Variants in RALGPS2 observed in about 807,000 individuals in gnomAD.
The protein encoded by RALGPS2 is ras-specific guanine nucleotide-releasing factor RalGPS2.
RALGPS2 carries 43 observed loss-of-function variants against 86.8 expected under a neutral mutation model. The observed-to-expected ratio is 0.50, with a 90% CI of 0.39 to 0.64. The LOEUF is 0.64. Ranked by LOEUF, RALGPS2 falls within the 30% of genes least tolerant of loss-of-function variation. The pLI is 0.00. For missense variants in RALGPS2, 536 were observed against 694.6 expected, an observed-to-expected ratio of 0.77 and a Z score of 2.57; for synonymous variants, 243 against 231.3, an observed-to-expected ratio of 1.05 and a Z score of -0.46.
intron 8 of RALGPS2, among the ~76,000 whole-genome samples, chr1:178,873,801 A>G (rs1658876106): frequency 6.6e-6 from 1 of 152,242 alleles, no homozygotes; most frequent in African/African-American, 2.4e-5. Flanking sequence ...CAAGTCTTAG[A>G]AACAAAATAG....
intron 1 of RALGPS2, among the ~76,000 whole-genome samples, chr1:178,774,325 C>T (rs557552294): frequency 6.6e-6 from 1 of 151,888 alleles, no homozygotes; most frequent in African/African-American, 2.4e-5. Flanking sequence ...TTATAGTTTA[C>T]AAATATTTTA....
At chr1:178,894,055 A>C in intron 16 of RALGPS2, 31 bp downstream of exon 16, 1 of 1,305,464 alleles carries the variant, frequency 7.7e-7, no homozygotes, top group Non-Finnish European at 1.1e-6. Flanking sequence ...ATTTTAATAC[A>C]CCTCTAAAAA....
intron 8 of RALGPS2, chr1:178,853,551 A>G (rs1427355239): frequency 7.1e-7 from 1 of 1,411,802 alleles, no homozygotes; most frequent in East Asian, 2.6e-5. Flanking sequence ...TATTGCAAGA[A>G]TGGATTTGTT....
At chr1:178,871,267 G>A (rs1330676713) in intron 8 of RALGPS2, among the ~76,000 whole-genome samples, 1 of 152,076 alleles carries the variant, frequency 6.6e-6, no homozygotes, top group African/African-American at 2.4e-5. Flanking sequence ...CAGGTTGAAG[G>A]AAGGGCACCA....
intron 8 of RALGPS2, among the ~76,000 whole-genome samples, chr1:178,874,808 G>A (rs150021981): frequency 4.7e-4 from 72 of 152,120 alleles, no homozygotes; most frequent in African/African-American, 1.7e-3. Context: ...TTTTCTTAGG[G>A]CAGGAGTCTC....
chr1:178,801,286 C>T (rs1377693393), intron 4 of RALGPS2, among the ~76,000 whole-genome samples: 3 of 151,928 alleles, frequency 2.0e-5, no homozygotes, highest in African/African-American at 7.3e-5. Context: ...TTAAGGTAGC[C>T]AATAGCTATA....
At chr1:178,752,690 G>A (rs912985259) in intron 1 of RALGPS2, among the ~76,000 whole-genome samples, 2 of 152,120 alleles carry the variant, frequency 1.3e-5, no homozygotes, top group African/African-American at 4.8e-5. Flanking sequence ...AATCATTAAA[G>A]GTCTGAAGGA....
intron 17 of RALGPS2, among the ~76,000 whole-genome samples, chr1:178,900,630 G>A (rs1660132519): frequency 6.6e-6 from 1 of 151,938 alleles, no homozygotes; most frequent in Non-Finnish European, 1.5e-5. Context: ...CAGAAATCTG[G>A]AAATACCCAA....
At chr1:178,795,781 T>G (rs1224125901) in intron 4 of RALGPS2, among the ~76,000 whole-genome samples, 1 of 152,196 alleles carries the variant, frequency 6.6e-6, no homozygotes, top group African/African-American at 2.4e-5. Flanking sequence ...AGAAAAAGCT[T>G]CTCTGTGCAA....
chr1:178,883,937 C>T (rs1211000348), intron 11 of RALGPS2, among the ~76,000 whole-genome samples: 1 of 151,706 alleles, frequency 6.6e-6, no homozygotes, highest in Non-Finnish European at 1.5e-5. Flanking sequence ...TGCAATGAGC[C>T]GAGATCGTGC....
intron 8 of RALGPS2, among the ~76,000 whole-genome samples, chr1:178,840,177 C>T (rs1488357669): frequency 1.3e-5 from 2 of 152,204 alleles, no homozygotes; most frequent in Admixed American, 6.5e-5. Flanking sequence ...GAACTCTCCA[C>T]CCCAAATCAA....
intron 5 of RALGPS2, among the ~76,000 whole-genome samples, chr1:178,809,491 A>G (rs1654879983): frequency 1.3e-5 from 2 of 151,956 alleles, no homozygotes; most frequent in African/African-American, 4.8e-5. Context: ...TCTCTAGAGG[A>G]AATCCTTTAT....
At chr1:178,787,478 G>A (rs554741926) in intron 4 of RALGPS2, among the ~76,000 whole-genome samples, 73 of 152,086 alleles carry the variant, frequency 4.8e-4, no homozygotes, top group African/African-American at 1.7e-3. Context: ...TTTTTTCTCC[G>A]CTAAGCCTTC....
chr1:178,896,487 C>CT (rs1438350972), intron 16 of RALGPS2, among the ~76,000 whole-genome samples: 1 of 140,436 alleles, frequency 7.1e-6, no homozygotes, highest in African/African-American at 2.7e-5. Context: ...TTTTATTATA[C>CT]TTTAAGTTTT....
At chr1:178,826,861 C>G (rs988010044) in intron 7 of RALGPS2, among the ~76,000 whole-genome samples, 1 of 151,998 alleles carries the variant, frequency 6.6e-6, no homozygotes, top group Non-Finnish European at 1.5e-5. Context: ...GACCTATATG[C>G]AGAAAGTTAT....
At chr1:178,745,822 C>CTTTTTTTTTTT (rs34277622) in intron 1 of RALGPS2, among the ~76,000 whole-genome samples, 4 of 86,112 alleles carry the variant, frequency 4.6e-5, no homozygotes, top group African/African-American at 8.1e-5. Context: ...TTCAATTCTT[C>CTTTTTTTTTTT]TTTTTTTTTT....
At chr1:178,763,280 T>C (rs572900171) in intron 1 of RALGPS2, among the ~76,000 whole-genome samples, 5 of 152,346 alleles carry the variant, frequency 3.3e-5, no homozygotes, top group African/African-American at 9.6e-5. Context: ...GGTAATGTGG[T>C]GCTTCCTGCT....
At chr1:178,863,788 A>G (rs947660746) in intron 8 of RALGPS2, among the ~76,000 whole-genome samples, 3 of 152,216 alleles carry the variant, frequency 2.0e-5, no homozygotes, top group African/African-American at 7.2e-5. Flanking sequence ...TAGGAAGTGA[A>G]GGAAGAATAT....
chr1:178,786,023 A>G (rs1429097974), intron 4 of RALGPS2, among the ~76,000 whole-genome samples: 2 of 152,148 alleles, frequency 1.3e-5, no homozygotes, highest in Non-Finnish European at 2.9e-5. Context: ...AAATGTTACT[A>G]AGAAAATCAT....
Sources: allele counts gnomAD v4.1 joint callset (sites outside exome capture counted in the v4.1 genomes callset), GRCh38; gene constraint gnomAD v4.1.1; transcripts MANE v1.5; gene names NCBI Gene and HGNC (gene_info 2026-07-23, HGNC 2026-07-21).